Variants in ARHGAP44 observed in about 807,000 individuals in gnomAD.
ARHGAP44 encodes the protein rho GTPase-activating protein 44.
A neutral mutation model predicts 106.8 loss-of-function variants in ARHGAP44; 43 were observed. That is an observed-to-expected ratio of 0.40 (90% CI 0.32 to 0.52). The LOEUF (loss-of-function observed/expected upper bound fraction) is 0.52, where lower values mean the gene tolerates loss of function less well. ARHGAP44 is among the 20% of genes least tolerant of loss of function. ARHGAP44 has a pLI of 0.48. For synonymous variants in ARHGAP44, 439 were observed against 410.3 expected, an observed-to-expected ratio of 1.07 and a Z score of -0.85; for missense variants, 866 against 1,050.5, an observed-to-expected ratio of 0.82 and a Z score of 2.43.
At position 12,980,116 on chromosome 17, in the gene ARHGAP44, A is replaced by G. The variant is rs373368626; in HGVS notation, c.1822A>G (p.Ser608Gly). 7 of 1,613,850 alleles carry G rather than the reference A, an allele frequency of 4.3e-6. No homozygotes were observed. In the African/African-American group the frequency reaches 8.0e-5, roughly 18 times the overall value. The change falls in exon 19 of 21, where the codon AGC becomes GGC. Residue 608 changes from serine to glycine, a missense_variant. By Grantham distance (56) the Ser-to-Gly change is moderately conservative. This residue lies in a region of ARHGAP44 where 418 missense variants were observed against 403.6 expected (regional missense o/e 1.04). Coordinates refer to ENST00000379672, the MANE Select transcript of ARHGAP44 (RefSeq NM_014859.6). Reference protein sequence around the residue: ...GSAQKGSPGSSQGTACAGTQP... With the variant: ...GSAQKGSPGSGQGTACAGTQP... Reference sequence around the variant, plus strand: ...TGCACAGAAAGGAAGTCCAGGCTCCAGCCAGGGCACAGCCTGTGCAGGGAC... The same window carrying G: ...TGCACAGAAAGGAAGTCCAGGCTCCGGCCAGGGCACAGCCTGTGCAGGGAC...
chr17:12,881,508 C>T (rs544393997), intron 1 of ARHGAP44, among the ~76,000 whole-genome samples: 4 of 152,126 alleles, frequency 2.6e-5, no homozygotes, highest in African/African-American at 7.2e-5. Flanking sequence ...TATTCCTGAA[C>T]ATACCCTTCC....
At chr17:12,871,572 C>T (rs888031420) in intron 1 of ARHGAP44, among the ~76,000 whole-genome samples, 6 of 152,080 alleles carry the variant, frequency 3.9e-5, no homozygotes, top group Admixed American at 6.6e-5. Flanking sequence ...AACTGGATCT[C>T]GTGAGAGCTC....
At chr17:12,808,960 C>A (rs1159484940) in intron 1 of ARHGAP44, among the ~76,000 whole-genome samples, 2 of 152,188 alleles carry the variant, frequency 1.3e-5, no homozygotes, top group Non-Finnish European at 2.9e-5. Flanking sequence ...CCCAGGTTAC[C>A]TCTTGAATGC....
At chr17:12,825,244 C>T (rs1405522455) in intron 1 of ARHGAP44, among the ~76,000 whole-genome samples, 1 of 151,988 alleles carries the variant, frequency 6.6e-6, no homozygotes, top group African/African-American at 2.4e-5. Flanking sequence ...TGTCATGTTG[C>T]CCAGGCTGGT....
intron 1 of ARHGAP44, among the ~76,000 whole-genome samples, chr17:12,862,282 G>A (rs2036109446): frequency 6.6e-6 from 1 of 152,076 alleles, no homozygotes; most frequent in East Asian, 1.9e-4. Context: ...GAGAGACACG[G>A]GGAGCAAGAC....
chr17:12,930,440 AT>A (rs1434269464), intron 7 of ARHGAP44, among the ~76,000 whole-genome samples: 4 of 151,804 alleles, frequency 2.6e-5, no homozygotes, highest in African/African-American at 9.7e-5. Flanking sequence ...GTTTTACCAT[AT>A]TGGCCAGGCT....
chr17:12,876,683 G>A (rs1305867836), intron 1 of ARHGAP44, among the ~76,000 whole-genome samples: 2 of 152,074 alleles, frequency 1.3e-5, no homozygotes, highest in East Asian at 1.9e-4. Flanking sequence ...GGGAGGCTGA[G>A]GTGGGCGGAT....
At chr17:12,822,320 T>C (rs1487019577) in intron 1 of ARHGAP44, among the ~76,000 whole-genome samples, 2 of 151,676 alleles carry the variant, frequency 1.3e-5, no homozygotes, top group African/African-American at 4.9e-5. Flanking sequence ...CATTTGGAAA[T>C]GTAAAAATTA....
intron 1 of ARHGAP44, among the ~76,000 whole-genome samples, chr17:12,889,778 G>A (rs1257719026): frequency 3.3e-5 from 5 of 152,204 alleles, no homozygotes; most frequent in African/African-American, 1.2e-4. Flanking sequence ...TCTTCTAGCT[G>A]TGAGATTGTG....
At chr17:12,861,292 A>G (rs1024226769) in intron 1 of ARHGAP44, among the ~76,000 whole-genome samples, 1 of 152,146 alleles carries the variant, frequency 6.6e-6, no homozygotes. Context: ...GTGCCTGGCC[A>G]TGGTATATTG....
At chr17:12,837,950 C>T (rs181356169) in intron 1 of ARHGAP44, among the ~76,000 whole-genome samples, 2 of 152,236 alleles carry the variant, frequency 1.3e-5, no homozygotes, top group East Asian at 3.9e-4. Context: ...ACTTCTCCAG[C>T]ATCCTCCCTC....
At chr17:12,851,666 C>G (rs1353725287) in intron 1 of ARHGAP44, among the ~76,000 whole-genome samples, 3 of 152,060 alleles carry the variant, frequency 2.0e-5, no homozygotes, top group Non-Finnish European at 4.4e-5. Flanking sequence ...AACTCCTGAC[C>G]TCAGGTGATC....
At chr17:12,941,530 T>C (rs188258904) in intron 8 of ARHGAP44, among the ~76,000 whole-genome samples, 1 of 152,142 alleles carries the variant, frequency 6.6e-6, no homozygotes, top group South Asian at 2.1e-4. Flanking sequence ...AATTATCCAG[T>C]CCAAAATGTC....
At position 12,974,114 on chromosome 17, in the gene ARHGAP44, A is replaced by T; in HGVS notation, c.1567A>T (p.Asn523Tyr). Reference protein sequence around the residue: ...QSMGVRVMDTNWVARRGSSAG... With the variant: ...QSMGVRVMDTYWVARRGSSAG... ...CATGGGTGTGAGGGTCATGGACACA[A>T]ACTGGGTGGCTCGAAGAGGCTCCTC... The change falls in exon 18 of 21, where the codon AAC (asparagine) becomes TAC (tyrosine). Residue 523 changes from asparagine to tyrosine, a missense_variant. Coordinates refer to ENST00000379672, the MANE Select transcript of ARHGAP44 (RefSeq NM_014859.6). 1 of 1,571,664 alleles carries T rather than the reference A, an allele frequency of 6.4e-7. No individual in the cohort carries two copies. The highest frequency in any genetic ancestry group is 1.2e-5 in the South Asian group (1 of 85,430).
chr17:12,962,906 A>G (rs752305909), intron 16 of ARHGAP44, among the ~76,000 whole-genome samples: 4 of 152,086 alleles, frequency 2.6e-5, no homozygotes, highest in Non-Finnish European at 1.5e-5. Context: ...TTGGCCAGGC[A>G]TCGTGGCGCA....
chr17:12,973,228 G>A, intron 16 of ARHGAP44, 74 bp from the exon 17 acceptor site: 1 of 1,508,148 alleles, frequency 6.6e-7, no homozygotes, highest in Non-Finnish European at 9.1e-7. Context: ...ACCCCTTACA[G>A]AAAGACAACC....
At chr17:12,938,582 T>TTAAAAAAA (rs376200698) in intron 7 of ARHGAP44, among the ~76,000 whole-genome samples, 2 of 127,004 alleles carry the variant, frequency 1.6e-5, no homozygotes, top group Admixed American at 8.0e-5. Flanking sequence ...AGCTATATAT[T>TTAAAAAAA]AAAAAAAAAA....
At chr17:12,974,049 G>A (rs368004775) in intron 17 of ARHGAP44, 40 bp from the exon 18 acceptor site, 3 of 1,541,554 alleles carry the variant, frequency 1.9e-6, no homozygotes, top group Non-Finnish European at 2.6e-6. Flanking sequence ...CCTGTCATCT[G>A]TTACGCGTGG....
intron 3 of ARHGAP44, among the ~76,000 whole-genome samples, chr17:12,907,020 G>A (rs568686836): frequency 6.6e-5 from 10 of 152,246 alleles, no homozygotes; most frequent in Non-Finnish European, 8.8e-5. Context: ...TTCTATGAGA[G>A]CAGTGTCTAG....
Sources: gnomAD v4.1 joint callset for allele counts (sites outside exome capture counted in the v4.1 genomes callset) on GRCh38, gnomAD v4.1.1 for gene constraint, gnomAD v4.1.1 regional missense constraint, MANE v1.5 for transcripts, NCBI Gene and HGNC (gene_info 2026-07-23, HGNC 2026-07-21) for gene names.